The following ZNF710 variants were observed in gnomAD, a reference collection of about 807,000 sequenced individuals.
The protein encoded by ZNF710 is zinc finger protein 710.
In ZNF710, 13 loss-of-function variants were observed where a neutral mutation model predicts 50.6. The ratio of observed to expected loss-of-function variants is 0.26; its 90% CI spans 0.17 to 0.41. The LOEUF is 0.41. ZNF710 is among the 10% of genes least tolerant of loss of function. ZNF710 has a pLI of 1.00. For missense variants in ZNF710, 721 were observed against 936.6 expected (o/e 0.77, Z 3.01); for synonymous variants, 383 against 397.0 (o/e 0.96, Z 0.42).
chr15:90,059,742 G>C lies in ZNF710; in HGVS notation c.-28-7368G>C, dbSNP rs559330168. On this transcript the variant is annotated intron_variant, in intron 1 of 4. Coordinates refer to ENST00000268154, the MANE Select transcript of ZNF710 (RefSeq NM_198526.4). The surrounding 1 kb of genome is among the most constrained non-coding windows in gnomAD (Gnocchi z 4.1). Reference sequence around the variant, plus strand: ...CCGAGGCACAGGCCTTCCAGCTCTCGCTTCCTCTTCCCTTCTGCGCATGTG... The same window carrying C: ...CCGAGGCACAGGCCTTCCAGCTCTCCCTTCCTCTTCCCTTCTGCGCATGTG... 1.3e-5 allele frequency among the ~76,000 whole-genome samples: 2 copies of C among 152,322 alleles called. No homozygotes were observed. The highest frequency in any genetic ancestry group is 3.9e-4 in the East Asian group (2 of 5,176).
In ZNF710 at chr15:90,067,788, G is replaced by A. The variant is rs1388382030; in HGVS notation, c.651G>A (p.Gly217=). 1.9e-6 allele frequency: 3 copies of A among 1,582,704 alleles called. No individual in the cohort carries two copies. The highest frequency in any genetic ancestry group is 3.5e-5 in the Admixed American group (2 of 57,950). The change falls in exon 2 of 5, where the codon GGG becomes GGA. Residue 217 remains glycine (G), a synonymous_variant. Transcript: ENST00000268154. This position sits in a 1 kb window ranked among gnomAD's most constrained non-coding sequence, Gnocchi z 8.1. The stretch of plus-strand genomic sequence containing the variant: ...CAGAGGCCTTGCCCACAGAGTGTGG[G>A]TTCGAGCCACCCCACCTGGCCCCCC... ...PGPEALPTEC[G]FEPPHLAPLS...
At chr15:90,036,155 T>C (rs1169495498) in intron 1 of ZNF710, among the ~76,000 whole-genome samples, 1 of 152,180 alleles carries the variant, frequency 6.6e-6, no homozygotes, top group Non-Finnish European at 1.5e-5. Context: ...CTACCCTGTT[T>C]CCTTCTTTCT....
At chr15:90,043,842 C>T (rs1345830128) in intron 1 of ZNF710, among the ~76,000 whole-genome samples, 1 of 152,122 alleles carries the variant, frequency 6.6e-6, no homozygotes, top group Non-Finnish European at 1.5e-5. Context: ...TGAGCCCTCA[C>T]CACCTCCCTT....
intron 1 of ZNF710, among the ~76,000 whole-genome samples, chr15:90,004,321 C>G (rs1898085164): frequency 6.6e-6 from 1 of 152,122 alleles, no homozygotes; most frequent in Admixed American, 6.6e-5. Flanking sequence ...CAACTTCTTT[C>G]TAGAAGGGAG....
chr15:90,026,450 C>G (rs1014694787), intron 1 of ZNF710, among the ~76,000 whole-genome samples: 2 of 151,936 alleles, frequency 1.3e-5, no homozygotes, highest in African/African-American at 4.8e-5. Flanking sequence ...GAAGCATTGC[C>G]CCTCTACCCA....
Position 90,067,631 on chromosome 15 carries a change from G to T in ZNF710, c.494G>T (p.Ser165Ile). The T allele has an allele frequency of 6.2e-7, 1 of 1,612,254 alleles. No homozygotes were observed. The highest frequency in any genetic ancestry group is 2.2e-5 in the East Asian group (1 of 44,818). The change falls in exon 2 of 5, where the codon AGC (serine) becomes ATC (isoleucine). Residue 165 changes from serine to isoleucine, a missense_variant. Physicochemically the swap from Ser to Ile is moderately radical, Grantham distance 142. Around this residue, in one of 3 missense-constraint regions of ZNF710, gnomAD observed 326 missense variants for 347.1 expected, o/e 0.94. Transcript: ENST00000268154. The surrounding 1 kb of genome is among the most constrained non-coding windows in gnomAD (Gnocchi z 8.1). Reference protein sequence around the residue: ...AVKMIDLSAFSRKPRTLRHLP... With the variant: ...AVKMIDLSAFIRKPRTLRHLP... ...AAGATGATCGACCTCAGCGCCTTCA[G>T]CCGCAAGCCCCGGACGCTCCGGCAT... is the stretch of plus-strand genomic sequence containing the variant.
chr15:90,020,445 C>T (rs931322887), intron 1 of ZNF710, among the ~76,000 whole-genome samples: 3 of 151,894 alleles, frequency 2.0e-5, no homozygotes, highest in African/African-American at 4.8e-5. Flanking sequence ...TCAGTTCTGC[C>T]AAGAAGGCCA....
intron 1 of ZNF710, among the ~76,000 whole-genome samples, chr15:90,036,868 C>A (rs1954628930): frequency 6.6e-6 from 1 of 152,216 alleles, no homozygotes; most frequent in South Asian, 2.1e-4. Flanking sequence ...CCATCTCCAG[C>A]CACTGTTCCC....
At chr15:90,037,738 G>T (rs1408016239) in intron 1 of ZNF710, among the ~76,000 whole-genome samples, 1 of 152,196 alleles carries the variant, frequency 6.6e-6, no homozygotes, top group Non-Finnish European at 1.5e-5. Flanking sequence ...CTCTTTCTCT[G>T]ACCTTTGGAT....
intron 1 of ZNF710, among the ~76,000 whole-genome samples, chr15:90,006,992 G>T (rs887086515): frequency 1.3e-5 from 2 of 152,078 alleles, no homozygotes. Flanking sequence ...TGCTTGTTGA[G>T]GGTGACCCAC....
At chr15:90,058,683 G>C (rs11631310) in intron 1 of ZNF710, among the ~76,000 whole-genome samples, 1 of 145,144 alleles carries the variant, frequency 6.9e-6, no homozygotes, top group African/African-American at 2.8e-5. Flanking sequence ...AATAGAACCA[G>C]TAGGAGACAC....
At chr15:90,078,578 G>A (rs1900648054) in intron 4 of ZNF710, among the ~76,000 whole-genome samples, 1 of 152,212 alleles carries the variant, frequency 6.6e-6, no homozygotes, top group African/African-American at 2.4e-5. Flanking sequence ...GTTCTCAACT[G>A]AGCATGAGTT....
At chr15:90,011,329 G>C (rs1229731215) in intron 1 of ZNF710, among the ~76,000 whole-genome samples, 1 of 152,152 alleles carries the variant, frequency 6.6e-6, no homozygotes, top group African/African-American at 2.4e-5. Context: ...GGCTGGTCTC[G>C]AACTCCTGGC....
At chr15:90,045,077 C>T (rs1301123252) in intron 1 of ZNF710, among the ~76,000 whole-genome samples, 2 of 152,162 alleles carry the variant, frequency 1.3e-5, no homozygotes, top group Admixed American at 6.5e-5. Flanking sequence ...TTGACTCCCC[C>T]ACATAAGACT....
At chr15:90,036,147 A>G (rs747721726) in intron 1 of ZNF710, among the ~76,000 whole-genome samples, 2 of 151,560 alleles carry the variant, frequency 1.3e-5, no homozygotes, top group African/African-American at 2.4e-5. Flanking sequence ...GTTCTTCTCT[A>G]CCCTGTTTCC....
chr15:90,028,255 A>G (rs2151481493), intron 1 of ZNF710, among the ~76,000 whole-genome samples: 1 of 152,300 alleles, frequency 6.6e-6, no homozygotes, highest in South Asian at 2.1e-4. Context: ...TTCCTGAACC[A>G]TTTTGAAGAA....
chr15:90,048,519 G>A (rs777364257), intron 1 of ZNF710, among the ~76,000 whole-genome samples: 2 of 152,216 alleles, frequency 1.3e-5, no homozygotes, highest in East Asian at 3.9e-4. Context: ...TTTGGTTTCA[G>A]GGGTCGGGGC....
intron 1 of ZNF710, among the ~76,000 whole-genome samples, chr15:90,031,261 C>G (rs1019057742): frequency 6.6e-6 from 1 of 152,112 alleles, no homozygotes; most frequent in Non-Finnish European, 1.5e-5. Flanking sequence ...AACACATAAG[C>G]TGTGTGAATA....
At chr15:90,018,170 CTT>C (rs5814406) in intron 1 of ZNF710, among the ~76,000 whole-genome samples, 143 of 128,346 alleles carry the variant, frequency 1.1e-3, no homozygotes, top group Middle Eastern at 7.9e-3. Context: ...TTTCTTTTTT[CTT>C]TTTTTTTTTT....
Sources: gnomAD v4.1 joint callset for allele counts (sites outside exome capture counted in the v4.1 genomes callset) on GRCh38, gnomAD v4.1.1 for gene constraint, gnomAD v4.1.1 regional missense constraint, Gnocchi (gnomAD v3.1) non-coding constraint, MANE v1.5 for transcripts, NCBI Gene and HGNC (gene_info 2026-07-23, HGNC 2026-07-21) for gene names.